The following ANKHD1 variants were observed in gnomAD, a reference collection of about 807,000 sequenced individuals.
ANKHD1 encodes the protein ankyrin repeat and KH domain-containing protein 1.
In ANKHD1, 31 loss-of-function variants were observed where a neutral mutation model predicts 230.5. The observed-to-expected ratio is 0.13, with a 90% CI of 0.10 to 0.18. ANKHD1 has a LOEUF of 0.18. Ranked by LOEUF, ANKHD1 falls within the 10% of genes least tolerant of loss-of-function variation. ANKHD1 has a pLI of 1.00. For synonymous variants in ANKHD1, 1,074 were observed against 1,117.6 expected, an observed-to-expected ratio of 0.96 and a Z score of 0.78; for missense variants, 2,256 against 3,071.3, an observed-to-expected ratio of 0.73 and a Z score of 6.27.
intron 10 of ANKHD1, among the ~76,000 whole-genome samples, chr5:140,470,828 T>C (rs1388782367): frequency 6.6e-6 from 1 of 152,032 alleles, no homozygotes; most frequent in Non-Finnish European, 1.5e-5. Flanking sequence ...GGTTTCATCA[T>C]GTTGCCCAGG....
Position 140,440,024 on chromosome 5 carries a change from T to C in ANKHD1, c.618-95T>C, listed in dbSNP as rs553072730. ...AATTTTTTCTTTTACTGCATTAACA[T>C]TTTTCTTTGTGTGACTATTTATATT... On this transcript the variant is annotated intron_variant, in intron 3 of 33. Transcript: ENST00000360839. The C allele has an allele frequency of 7.5e-5, 101 of 1,340,008 alleles. No individual in the cohort carries two copies. The African/African-American group carries it at 1.4e-3, about 18-fold the overall frequency. The allele number at this position is 1,340,008 out of a possible 1,614,324, so 83.0% of individuals were successfully genotyped here.
intron 14 of ANKHD1, 56 bp from the exon 15 acceptor site, chr5:140,496,438 GTTTTCTTTTTTTTTTTTCTTTTCTTT>G (rs1752040589): frequency 1.0e-5 from 12 of 1,159,168 alleles, no homozygotes; most frequent in Non-Finnish European, 1.4e-5. Context: ...GGGGAGGCTG[GTTTTCTTTTTTTTTTTTCTTTTCTTT>G]TTTTTTTTTT....
chr5:140,526,969 A>G lies in ANKHD1; in HGVS notation c.4982A>G (p.Tyr1661Cys), dbSNP rs1223135741. ...EVTPNSLSTS[Y>C]KTVSLPLSSP... ...ACTCCTAATTCCTTGTCAACCAGCTACAAGACAGTGTCATTGCCATTAAGC... is the reference window on the plus strand; with the variant it reads ...ACTCCTAATTCCTTGTCAACCAGCTGCAAGACAGTGTCATTGCCATTAAGC... The change falls in exon 27 of 34, where the codon TAC becomes TGC. Residue 1661 changes from tyrosine (Y) to cysteine (C), a missense_variant. Physicochemically the swap from Tyr to Cys is radical, Grantham distance 194. Coordinates refer to ENST00000360839, the MANE Select transcript of ANKHD1 (RefSeq NM_017747.3). 1 of 1,613,708 alleles carries G rather than the reference A, an allele frequency of 6.2e-7. No homozygotes were observed. The highest frequency in any genetic ancestry group is 1.1e-5 in the South Asian group (1 of 91,042).
At chr5:140,474,111 GTT>G (rs1199707215) in intron 10 of ANKHD1, among the ~76,000 whole-genome samples, 1 of 152,090 alleles carries the variant, frequency 6.6e-6, no homozygotes, top group East Asian at 1.9e-4. Context: ...AATAAACTTG[GTT>G]TTTCTCTCTG....
At chr5:140,491,160 ATTTT>A (rs1222038703) in intron 14 of ANKHD1, among the ~76,000 whole-genome samples, 8 of 45,654 alleles carry the variant, frequency 1.8e-4, no homozygotes, top group East Asian at 8.2e-4. Flanking sequence ...ATATATATAT[ATTTT>A]TTTTTTTTTT....
chr5:140,499,867 CT>C (rs1200482548), intron 15 of ANKHD1, among the ~76,000 whole-genome samples: 1 of 148,728 alleles, frequency 6.7e-6, no homozygotes, highest in African/African-American at 2.5e-5. Flanking sequence ...GTAAAATTTT[CT>C]TTCTTTTTTT....
At chr5:140,504,744 C>T (rs893212479) in intron 15 of ANKHD1, 77 bp from the exon 16 acceptor site, 45 of 1,536,538 alleles carry the variant, frequency 2.9e-5, no homozygotes, top group African/African-American at 8.3e-5. Flanking sequence ...ATGGAAATTT[C>T]TGTTTTTGTG....
intron 7 of ANKHD1, among the ~76,000 whole-genome samples, chr5:140,454,122 A>G (rs1245221201): frequency 6.6e-6 from 1 of 152,196 alleles, no homozygotes; most frequent in Non-Finnish European, 1.5e-5. Context: ...CAAGGCCATT[A>G]CATAATGGTA....
intron 1 of ANKHD1, among the ~76,000 whole-genome samples, chr5:140,426,560 G>C (rs186750820): frequency 1.0e-3 from 153 of 151,372 alleles, no homozygotes; most frequent in Middle Eastern, 6.8e-3. Flanking sequence ...GGTGTTTCTC[G>C]CAGAGGGGGA....
chr5:140,463,362 A>G (rs546364225), intron 9 of ANKHD1, among the ~76,000 whole-genome samples: 105 of 152,180 alleles, frequency 6.9e-4, no homozygotes, highest in African/African-American at 2.3e-3. Flanking sequence ...TCATATGGCA[A>G]AGTGTTCCAG....
At chr5:140,416,887 AT>A (rs1771444543) in intron 1 of ANKHD1, among the ~76,000 whole-genome samples, 2 of 151,378 alleles carry the variant, frequency 1.3e-5, no homozygotes, top group African/African-American at 4.8e-5. Context: ...AAAAAGTGCC[AT>A]TGAGATTCAA....
chr5:140,433,238 G>GT (rs755599307), intron 1 of ANKHD1, among the ~76,000 whole-genome samples: 6 of 151,962 alleles, frequency 3.9e-5, no homozygotes, highest in Non-Finnish European at 7.4e-5. Context: ...AGCTAATTTT[G>GT]TATTTTTAGT....
At chr5:140,489,034 A>G (rs542105111) in intron 14 of ANKHD1, among the ~76,000 whole-genome samples, 53 of 152,206 alleles carry the variant, frequency 3.5e-4, no homozygotes, top group African/African-American at 1.3e-3. Flanking sequence ...ACAAAAAAAT[A>G]CAAAAGTTAG....
At chr5:140,442,936 C>T (rs747252924) in intron 5 of ANKHD1, among the ~76,000 whole-genome samples, 25 of 150,432 alleles carry the variant, frequency 1.7e-4, no homozygotes, top group Middle Eastern at 3.4e-3. Flanking sequence ...GATGGAGTCT[C>T]GCACTGTTGC....
intron 10 of ANKHD1, 128 bp from the exon 11 acceptor site, chr5:140,482,452 T>C: frequency 1.1e-6 from 1 of 941,902 alleles, no homozygotes; most frequent in South Asian, 2.0e-5. Flanking sequence ...TTGAGGTAGG[T>C]GGTATAAAGT....
chr5:140,459,104 A>G (rs1311570748), intron 8 of ANKHD1, 60 bp from the exon 9 acceptor site: 13 of 1,350,936 alleles, frequency 9.6e-6, no homozygotes, highest in Non-Finnish European at 1.2e-5. Context: ...AATTCAGAAA[A>G]TTAATATCTT....
chr5:140,539,298 C>A, intron 33 of ANKHD1, 61 bp from the exon 34 acceptor site: 1 of 1,607,040 alleles, frequency 6.2e-7, no homozygotes, highest in South Asian at 1.1e-5. Flanking sequence ...TTTATATATT[C>A]ATTTTGTAAC....
chr5:140,539,274 G>T, intron 33 of ANKHD1, 85 bp from the exon 34 acceptor site: 1 of 1,596,268 alleles, frequency 6.3e-7, no homozygotes, highest in South Asian at 1.1e-5. Flanking sequence ...CAGAAACAGT[G>T]AATTGCCATT....
At chr5:140,422,702 CAGG>C (rs1403529307) in intron 1 of ANKHD1, among the ~76,000 whole-genome samples, 1 of 150,854 alleles carries the variant, frequency 6.6e-6, no homozygotes, top group Non-Finnish European at 1.5e-5. Context: ...CCCAGATACT[CAGG>C]AGGCTGAGGC....
Sources: gnomAD v4.1 joint callset for allele counts (sites outside exome capture counted in the v4.1 genomes callset) on GRCh38, gnomAD v4.1.1 for gene constraint, MANE v1.5 for transcripts, NCBI Gene and HGNC (gene_info 2026-07-23, HGNC 2026-07-21) for gene names.